Variants in IL1RAPL2 observed in about 807,000 individuals in gnomAD.
The protein encoded by IL1RAPL2 is interleukin 1 receptor accessory protein like 2.
A neutral mutation model predicts 44.1 loss-of-function variants in IL1RAPL2; 3 were observed. That is an observed-to-expected ratio of 0.07 (90% CI 0.03 to 0.18). The LOEUF is 0.18. Among genes scored for constraint, IL1RAPL2 ranks in the 10% least tolerant of loss-of-function variants. IL1RAPL2 has a pLI of 1.00. For missense variants in IL1RAPL2, 391 were observed against 496.4 expected (o/e 0.79, Z 2.02); for synonymous variants, 181 against 178.8 (o/e 1.01, Z -0.10).
intron 5 of IL1RAPL2, among the ~76,000 whole-genome samples, chrX:105,407,317 C>T (rs1465867003): frequency 9.0e-6 from 1 of 110,558 alleles, no homozygotes; most frequent in Non-Finnish European, 1.9e-5. Flanking sequence ...GGGGGGTTTA[C>T]CTGGTTTTAT....
At chrX:105,403,151 A>C (rs1220234962) in intron 5 of IL1RAPL2, among the ~76,000 whole-genome samples, 1 of 111,569 alleles carries the variant, frequency 9.0e-6, no homozygotes, top group Non-Finnish European at 1.9e-5. Context: ...TAAAAATTAG[A>C]GGGTTCTAAG....
At chrX:105,140,778 C>T (rs775746130) in intron 2 of IL1RAPL2, among the ~76,000 whole-genome samples, 36 of 111,860 alleles carry the variant, frequency 3.2e-4, no homozygotes, top group African/African-American at 7.8e-4. Flanking sequence ...GTTCATGAGA[C>T]GAAAGCATTT....
intron 1 of IL1RAPL2, among the ~76,000 whole-genome samples, chrX:104,613,806 GTT>G (rs60588678): frequency 0.091 from 5,593 of 61,784 alleles, 203 homozygotes; most frequent in Non-Finnish European, 0.13. Context: ...TCCAGGGCAT[GTT>G]TTTTTTTTTT....
chrX:104,784,879 G>T (rs1932790705), intron 2 of IL1RAPL2, among the ~76,000 whole-genome samples: 1 of 110,495 alleles, frequency 9.1e-6, no homozygotes, highest in Non-Finnish European at 1.9e-5. Context: ...AGAAGAAGTT[G>T]TAAGAAAGAG....
intron 6 of IL1RAPL2, among the ~76,000 whole-genome samples, chrX:105,664,878 T>G (rs1203956838): frequency 1.8e-5 from 2 of 111,811 alleles, no homozygotes; most frequent in Admixed American, 1.9e-4. Context: ...CCCAAAACAA[T>G]AAACTCCTGC....
At chrX:104,872,179 A>C (rs759064809) in intron 2 of IL1RAPL2, among the ~76,000 whole-genome samples, 1 of 112,100 alleles carries the variant, frequency 8.9e-6, no homozygotes, top group Non-Finnish European at 1.9e-5. Flanking sequence ...ATGAAGAAGA[A>C]AATAATAGCT....
chrX:105,259,301 C>T (rs1481279058), intron 4 of IL1RAPL2, among the ~76,000 whole-genome samples: 2 of 111,745 alleles, frequency 1.8e-5, no homozygotes, highest in African/African-American at 6.5e-5. Flanking sequence ...TCCTATGTTT[C>T]CTCACATTTG....
At chrX:105,339,259 C>T in intron 5 of IL1RAPL2, among the ~76,000 whole-genome samples, 1 of 111,913 alleles carries the variant, frequency 8.9e-6, no homozygotes, top group Non-Finnish European at 1.9e-5. Context: ...GGATGCTGTA[C>T]TTTGTTATAT....
At chrX:104,810,267 G>T (rs1217226516) in intron 2 of IL1RAPL2, among the ~76,000 whole-genome samples, 1 of 110,414 alleles carries the variant, frequency 9.1e-6, no homozygotes, top group Non-Finnish European at 1.9e-5. Context: ...ACTGTTGTGG[G>T]GTGAGGGGAA....
intron 5 of IL1RAPL2, among the ~76,000 whole-genome samples, chrX:105,309,471 T>A (rs375472137): frequency 1.8e-5 from 2 of 109,359 alleles, no homozygotes; most frequent in East Asian, 5.8e-4. Context: ...GTGGCTCACG[T>A]CTGTAATTCC....
At chrX:104,649,225 A>T (rs189858704) in intron 1 of IL1RAPL2, among the ~76,000 whole-genome samples, 3 of 110,942 alleles carry the variant, frequency 2.7e-5, no homozygotes, top group Non-Finnish European at 5.7e-5. Context: ...TCTACCTCTG[A>T]TTCTAATGGT....
intron 2 of IL1RAPL2, among the ~76,000 whole-genome samples, chrX:104,675,886 T>G (rs1930740776): frequency 9.4e-6 from 1 of 106,758 alleles, no homozygotes; most frequent in African/African-American, 3.4e-5. Flanking sequence ...TCTCTGTTGG[T>G]TTAAAGTCTG....
intron 2 of IL1RAPL2, among the ~76,000 whole-genome samples, chrX:104,797,269 G>A (rs747585817): frequency 1.1e-5 from 1 of 95,105 alleles, no homozygotes; most frequent in South Asian, 5.4e-4. Context: ...CTGTGATTTG[G>A]TACGAGGCAA....
intron 2 of IL1RAPL2, among the ~76,000 whole-genome samples, chrX:104,835,812 C>T (rs1376900841): frequency 8.9e-6 from 1 of 111,911 alleles, no homozygotes; most frequent in Non-Finnish European, 1.9e-5. Context: ...AAAATTTTAG[C>T]CACGTTTTCA....
At chrX:105,324,632 A>T (rs193193328) in intron 5 of IL1RAPL2, among the ~76,000 whole-genome samples, 42 of 112,048 alleles carry the variant, frequency 3.7e-4, no homozygotes, top group African/African-American at 1.3e-3. Context: ...GCAATTTCAC[A>T]TACATTGTTC....
At chrX:105,143,713 C>T (rs1014209785) in intron 2 of IL1RAPL2, among the ~76,000 whole-genome samples, 12 of 111,796 alleles carry the variant, frequency 1.1e-4, no homozygotes, top group Non-Finnish European at 2.3e-4. Flanking sequence ...TATGGGCCTT[C>T]TCTATTTTCT....
At chrX:105,302,382 G>T (rs919841064) in intron 5 of IL1RAPL2, among the ~76,000 whole-genome samples, 15 of 111,630 alleles carry the variant, frequency 1.3e-4, no homozygotes, top group African/African-American at 4.9e-4. Flanking sequence ...GAACCCATTT[G>T]TCCAAGGCCT....
intron 3 of IL1RAPL2, among the ~76,000 whole-genome samples, chrX:105,209,747 C>T (rs1556155865): frequency 8.9e-6 from 1 of 111,945 alleles, no homozygotes; most frequent in Non-Finnish European, 1.9e-5. Context: ...AGGCATAACA[C>T]AGGAAATCAT....
intron 6 of IL1RAPL2, among the ~76,000 whole-genome samples, chrX:105,636,540 CT>C (rs1424031775): frequency 9.0e-6 from 1 of 111,268 alleles, no homozygotes; most frequent in Non-Finnish European, 1.9e-5. Flanking sequence ...CCAGGTGACC[CT>C]TAGATACAGA....
Sources: gnomAD v4.1 joint callset for allele counts (sites outside exome capture counted in the v4.1 genomes callset) on GRCh38, gnomAD v4.1.1 for gene constraint, MANE v1.5 for transcripts, NCBI Gene and HGNC (gene_info 2026-07-23, HGNC 2026-07-21) for gene names.